CNTNAP5: variants seen among roughly 807,000 people sequenced by gnomAD.
CNTNAP5 encodes the protein contactin associated protein family member 5.
CNTNAP5 carries 72 observed loss-of-function variants against 150.2 expected under a neutral mutation model. The observed-to-expected ratio is 0.48, with a 90% CI of 0.40 to 0.58. CNTNAP5 has a LOEUF of 0.58. Ranked by LOEUF, CNTNAP5 falls within the 20% of genes least tolerant of loss-of-function variation. The pLI is 0.00. For missense variants in CNTNAP5, 1,636 were observed against 1,626.2 expected (o/e 1.01, Z -0.10); for synonymous variants, 672 against 619.8 (o/e 1.08, Z -1.25).
intron 13 of CNTNAP5, among the ~76,000 whole-genome samples, chr2:124,702,486 G>A (rs1307505477): frequency 2.7e-5 from 4 of 146,478 alleles, no homozygotes; most frequent in Admixed American, 2.1e-4. Flanking sequence ...CTTTAGGGAT[G>A]TGGACATTGC....
At chr2:124,151,869 C>T (rs1233000269) in intron 1 of CNTNAP5, among the ~76,000 whole-genome samples, 1 of 152,178 alleles carries the variant, frequency 6.6e-6, no homozygotes. Context: ...GTACATGTGT[C>T]CTCAGGCATA....
intron 12 of CNTNAP5, among the ~76,000 whole-genome samples, chr2:124,610,943 A>T (rs1392889303): frequency 9.5e-6 from 1 of 104,944 alleles, no homozygotes; most frequent in Non-Finnish European, 2.0e-5. Flanking sequence ...CGACAGGGCG[A>T]GACACCGTCT....
chr2:124,399,838 C>G (rs2104757040), intron 3 of CNTNAP5, among the ~76,000 whole-genome samples: 1 of 152,236 alleles, frequency 6.6e-6, no homozygotes, highest in African/African-American at 2.4e-5. Context: ...GAACCTTGAA[C>G]ACTGACACTT....
intron 8 of CNTNAP5, among the ~76,000 whole-genome samples, chr2:124,515,694 A>T (rs992719033): frequency 6.6e-6 from 1 of 152,138 alleles, no homozygotes. Context: ...GATAGCAGGA[A>T]ATGGTAAGGG....
intron 3 of CNTNAP5, among the ~76,000 whole-genome samples, chr2:124,364,315 T>C (rs572534779): frequency 6.6e-6 from 1 of 151,790 alleles, no homozygotes; most frequent in Non-Finnish European, 1.5e-5. Context: ...ACCCCCCTTT[T>C]ATTTCCAGAC....
chr2:124,522,055 A>T (rs866215114), intron 8 of CNTNAP5, among the ~76,000 whole-genome samples: 3 of 152,134 alleles, frequency 2.0e-5, no homozygotes. Flanking sequence ...CAGGTGTCCT[A>T]CATCTGGGAT....
At chr2:124,349,870 A>ATTTTTTT (rs1553460393) in intron 3 of CNTNAP5, among the ~76,000 whole-genome samples, 10 of 36,410 alleles carry the variant, frequency 2.7e-4, no homozygotes, top group South Asian at 8.5e-4. Context: ...ACTTCTGGCT[A>ATTTTTTT]TTTCTTTTTT....
At chr2:124,791,049 T>G (rs916527374) in intron 18 of CNTNAP5, among the ~76,000 whole-genome samples, 2 of 152,240 alleles carry the variant, frequency 1.3e-5, no homozygotes, top group African/African-American at 4.8e-5. Context: ...TGAATCACTT[T>G]GAGACACCAT....
chr2:124,526,492 C>G (rs1694971447), intron 9 of CNTNAP5, among the ~76,000 whole-genome samples: 1 of 152,134 alleles, frequency 6.6e-6, no homozygotes, highest in Admixed American at 6.5e-5. Context: ...CCCATATGCT[C>G]TGAACCTATT....
chr2:124,174,715 A>C (rs1685019621), intron 1 of CNTNAP5, among the ~76,000 whole-genome samples: 1 of 152,208 alleles, frequency 6.6e-6, no homozygotes, highest in Admixed American at 6.5e-5. Flanking sequence ...AAGAATTTAG[A>C]ATATGAATTT....
chr2:124,598,584 C>T (rs1434623089), intron 11 of CNTNAP5, among the ~76,000 whole-genome samples: 6 of 150,798 alleles, frequency 4.0e-5, no homozygotes, highest in African/African-American at 1.5e-4. Context: ...GCAGAGGTTA[C>T]TGCTGTCTTT....
chr2:124,330,235 A>G lies in CNTNAP5; in HGVS notation c.382-87208A>G, dbSNP rs78061404. On this transcript the variant is annotated intron_variant, in intron 3 of 23. Coordinates refer to ENST00000682447, the MANE Select transcript of CNTNAP5 (RefSeq NM_001367498.1). ...CAGTTCCTCAAAGCTGTCTACTCAT[A>G]TTGGAAGATATAATATTCCAGTCAA... Among the ~76,000 whole-genome samples, 684 of 152,312 alleles carry G rather than the reference A, an allele frequency of 4.5e-3. 4 individuals are homozygous for G. The highest frequency in any genetic ancestry group is 0.015 in the African/African-American group (640 of 41,556).
At chr2:124,771,948 C>G (rs866306927) in intron 16 of CNTNAP5, among the ~76,000 whole-genome samples, 44 of 151,766 alleles carry the variant, frequency 2.9e-4, no homozygotes, top group Non-Finnish European at 4.4e-4. Flanking sequence ...TCACCACAAC[C>G]ATTATCACCA....
rs72976471 is a variant in CNTNAP5, at chr2:124,685,790, G to A, written c.2077+37832G>A. On this transcript the variant is annotated intron_variant, in intron 13 of 23. Coordinates refer to ENST00000682447, the MANE Select transcript of CNTNAP5 (RefSeq NM_001367498.1). ...CGCGCGTGTTATTGAGCATTCCTGT[G>A]ATAGCGAGGGAATGAATGGCACATA... is the stretch of plus-strand genomic sequence containing the variant. 3.6e-3 allele frequency among the ~76,000 whole-genome samples: 540 copies of A among 151,916 alleles called. 4 individuals carry two copies. The highest frequency in any genetic ancestry group is 0.012 in the African/African-American group (513 of 41,438).
intron 13 of CNTNAP5, among the ~76,000 whole-genome samples, chr2:124,652,558 T>C (rs1678345223): frequency 6.6e-6 from 1 of 152,120 alleles, no homozygotes; most frequent in Non-Finnish European, 1.5e-5. Flanking sequence ...ATCAAAGCCA[T>C]AGTCTGGAAG....
At chr2:124,542,894 A>G (rs1558946986) in intron 10 of CNTNAP5, among the ~76,000 whole-genome samples, 1 of 152,004 alleles carries the variant, frequency 6.6e-6, no homozygotes, top group Non-Finnish European at 1.5e-5. Flanking sequence ...AGCTAACAAA[A>G]CTCAACACGA....
intron 12 of CNTNAP5, among the ~76,000 whole-genome samples, chr2:124,634,343 A>G (rs1286320858): frequency 6.6e-6 from 1 of 152,200 alleles, no homozygotes. Flanking sequence ...CAGATACTCT[A>G]AATCATCACT....
intron 2 of CNTNAP5, among the ~76,000 whole-genome samples, chr2:124,239,173 G>A (rs1027131607): frequency 6.7e-5 from 10 of 150,158 alleles, no homozygotes; most frequent in African/African-American, 2.5e-4. Flanking sequence ...AAACTTTAAT[G>A]CTAAATCATT....
intron 19 of CNTNAP5, among the ~76,000 whole-genome samples, chr2:124,852,753 C>A (rs1387671248): frequency 6.6e-6 from 1 of 152,106 alleles, no homozygotes; most frequent in Non-Finnish European, 1.5e-5. Flanking sequence ...GACTGCCTTG[C>A]GGCATGGTGA....
Sources: gnomAD v4.1 joint callset for allele counts (sites outside exome capture counted in the v4.1 genomes callset) on GRCh38, gnomAD v4.1.1 for gene constraint, MANE v1.5 for transcripts, NCBI Gene and HGNC (gene_info 2026-07-23, HGNC 2026-07-21) for gene names.